FAAH2: variants seen among roughly 807,000 people sequenced by gnomAD.
FAAH2 encodes fatty-acid amide hydrolase 2.
Under a neutral mutation model 36.9 loss-of-function variants are expected in FAAH2, and 60 were observed. The observed-to-expected ratio is 1.63, with a 90% CI of 1.32 to 2.02. The LOEUF is 2.02. Among genes scored for constraint, FAAH2 ranks in the 30% most tolerant of loss-of-function variants. FAAH2 has a pLI of 0.00. For missense variants in FAAH2, 689 were observed against 397.5 expected, an observed-to-expected ratio of 1.73 and a Z score of -6.23; for synonymous variants, 214 against 143.8, an observed-to-expected ratio of 1.49 and a Z score of -3.49.
chrX:57,408,697 G>A (rs1246506412), intron 7 of FAAH2, among the ~76,000 whole-genome samples: 1 of 110,910 alleles, frequency 9.0e-6, no homozygotes, highest in African/African-American at 3.3e-5. Flanking sequence ...TTAGCTGTGG[G>A]CTTGTGATAT....
At chrX:57,155,151 C>G in the FAAH2 span, among the ~76,000 whole-genome samples, 1 of 111,975 alleles carries the variant, frequency 8.9e-6, no homozygotes, top group Non-Finnish European at 1.9e-5. Context: ...TGGTTTTGTG[C>G]TGGTTGGCCT....
At chrX:57,122,175 C>A in the FAAH2 span, among the ~76,000 whole-genome samples, 1 of 111,746 alleles carries the variant, frequency 8.9e-6, no homozygotes, top group Non-Finnish European at 1.9e-5. Flanking sequence ...TTTTGAGGGC[C>A]TCACAGCAAA....
At chrX:57,279,712 C>T in the FAAH2 span, among the ~76,000 whole-genome samples, 1 of 111,840 alleles carries the variant, frequency 8.9e-6, no homozygotes, top group African/African-American at 3.3e-5. Context: ...AAATATGATT[C>T]ATCACATAAA....
At chrX:57,349,269 A>G (rs1200220414) in intron 5 of FAAH2, among the ~76,000 whole-genome samples, 7 of 94,512 alleles carry the variant, frequency 7.4e-5, no homozygotes, top group Non-Finnish European at 1.0e-4. Flanking sequence ...ATATGTATAT[A>G]CATATATACA....
chrX:57,221,315 C>T, the FAAH2 span, among the ~76,000 whole-genome samples: 1 of 111,471 alleles, frequency 9.0e-6, no homozygotes, highest in Non-Finnish European at 1.9e-5. Flanking sequence ...CTCCAACCAC[C>T]CACCTTAAAA....
intron 2 of FAAH2, among the ~76,000 whole-genome samples, chrX:57,302,006 G>C (rs1294258282): frequency 8.9e-6 from 1 of 111,854 alleles, no homozygotes; most frequent in Non-Finnish European, 1.9e-5. Flanking sequence ...TGTTTTTCTT[G>C]CTTGCCTGGA....
chrX:57,349,058 A>AATATAT (rs35894721), intron 5 of FAAH2, among the ~76,000 whole-genome samples: 4 of 89,586 alleles, frequency 4.5e-5, no homozygotes, highest in Non-Finnish European at 6.4e-5. Flanking sequence ...ATAAATGAGA[A>AATATAT]ATATATATAT....
chrX:57,444,501 G>T (rs779917632), intron 8 of FAAH2, among the ~76,000 whole-genome samples: 138 of 111,539 alleles, frequency 1.2e-3, no homozygotes, highest in Non-Finnish European at 1.8e-3. Flanking sequence ...TCCAGGTACC[G>T]TATGTCATGG....
At chrX:57,410,547 A>G (rs1478407156) in intron 7 of FAAH2, among the ~76,000 whole-genome samples, 1 of 111,775 alleles carries the variant, frequency 8.9e-6, no homozygotes, top group Non-Finnish European at 1.9e-5. Flanking sequence ...TCAACATTGG[A>G]CCATATAACT....
At chrX:57,481,041 G>T (rs763432840) in intron 10 of FAAH2, among the ~76,000 whole-genome samples, 12 of 106,799 alleles carry the variant, frequency 1.1e-4, no homozygotes, top group Non-Finnish European at 1.9e-4. Flanking sequence ...TTTGGCTATT[G>T]TTACTTTTGT....
At chrX:57,413,027 G>T (rs1050610961) in intron 7 of FAAH2, among the ~76,000 whole-genome samples, 2 of 112,105 alleles carry the variant, frequency 1.8e-5, no homozygotes, top group African/African-American at 6.5e-5. Context: ...ATATCTTCTA[G>T]TGAGAAGTGT....
intron 3 of FAAH2, 116 bp from the exon 4 acceptor site, chrX:57,331,482 A>C: frequency 1.8e-6 from 1 of 565,348 alleles, no homozygotes; most frequent in Non-Finnish European, 2.8e-6. Flanking sequence ...CAATGCCCCA[A>C]CCCTTTGTGG....
chrX:57,264,036 C>G, the FAAH2 span, among the ~76,000 whole-genome samples: 1 of 111,909 alleles, frequency 8.9e-6, no homozygotes, highest in Non-Finnish European at 1.9e-5. Context: ...CTTAAACATA[C>G]TTAAAATACT....
At chrX:57,396,538 T>G (rs1413516231) in intron 7 of FAAH2, among the ~76,000 whole-genome samples, 1 of 111,065 alleles carries the variant, frequency 9.0e-6, no homozygotes, top group Admixed American at 9.6e-5. Context: ...TGTGTCCCCA[T>G]TTTTGTGTTT....
chrX:57,313,649 C>T lies in FAAH2; in HGVS notation c.412+2920C>T, dbSNP rs779943038. On this transcript the variant is annotated intron_variant, in intron 3 of 10. Transcript: ENST00000374900. ...ATTCCAACCAAGAATTTCATTTCCTCGCAAATAAGCTTCATAAATGAAGGA... is the reference window on the plus strand; with the variant it reads ...ATTCCAACCAAGAATTTCATTTCCTTGCAAATAAGCTTCATAAATGAAGGA... 5.7e-3 allele frequency among the ~76,000 whole-genome samples: 629 copies of T among 109,742 alleles called. 2 individuals are homozygous for T. Among genetic ancestry groups the T allele is most frequent in the Non-Finnish European group, 9.0e-3 (472 of 52,587 alleles).
the FAAH2 span, among the ~76,000 whole-genome samples, chrX:57,160,761 A>G: frequency 9.1e-6 from 1 of 110,129 alleles, no homozygotes; most frequent in Non-Finnish European, 1.9e-5. Context: ...CTTTTCTTTA[A>G]TAGTCTTGCT....
chrX:57,247,176 G>T, the FAAH2 span, among the ~76,000 whole-genome samples: 1 of 111,585 alleles, frequency 9.0e-6, no homozygotes, highest in African/African-American at 3.3e-5. Context: ...ACTAGTTTAG[G>T]TTAATAATTG....
At chrX:57,381,140 G>T in intron 7 of FAAH2, 111 bp downstream of exon 7, 1 of 543,100 alleles carries the variant, frequency 1.8e-6, no homozygotes, top group East Asian at 3.9e-5. Context: ...ACGGAATTAA[G>T]GTTTTCAGAA....
chrX:57,417,847 G>A (rs1304483805), intron 7 of FAAH2, among the ~76,000 whole-genome samples: 4 of 111,904 alleles, frequency 3.6e-5, no homozygotes, highest in African/African-American at 1.3e-4. Context: ...CCTTCCCCCA[G>A]GTTCTCTATC....
Sources: gnomAD v4.1 joint callset for allele counts (sites outside exome capture counted in the v4.1 genomes callset) on GRCh38, gnomAD v4.1.1 for gene constraint, MANE v1.5 for transcripts, NCBI Gene and HGNC (gene_info 2026-07-23, HGNC 2026-07-21) for gene names.